The following DLGAP1 variants were observed in gnomAD, a reference collection of about 807,000 sequenced individuals.
The protein encoded by DLGAP1 is DLG associated protein 1.
DLGAP1 carries 11 observed loss-of-function variants against 90.8 expected under a neutral mutation model. The ratio of observed to expected loss-of-function variants is 0.12; its 90% CI spans 0.08 to 0.20. The LOEUF (loss-of-function observed/expected upper bound fraction) is 0.20, where lower values mean the gene tolerates loss of function less well. Ranked by LOEUF, DLGAP1 falls within the 10% of genes least tolerant of loss-of-function variation. The pLI, the probability that DLGAP1 is intolerant of heterozygous loss-of-function variation, is 1.00. For missense variants in DLGAP1, 1,050 were observed against 1,333.8 expected (o/e 0.79, Z 3.31); for synonymous variants, 558 against 540.7 (o/e 1.03, Z -0.44).
chr18:4,009,493 G>C (rs991706631), intron 2 of DLGAP1, among the ~76,000 whole-genome samples: 2 of 152,130 alleles, frequency 1.3e-5, no homozygotes, highest in Non-Finnish European at 2.9e-5. Flanking sequence ...TGCTGAATGT[G>C]CCTGGTACTC....
chr18:3,607,383 C>G (rs1006600290), intron 7 of DLGAP1: 11 of 152,110 alleles, frequency 7.2e-5, no homozygotes, highest in Admixed American at 5.9e-4. Context: ...GTCTTGAGCT[C>G]CTGGGCTCAA....
chr18:3,734,990 TCTC>T (rs1361084148), intron 6 of DLGAP1, among the ~76,000 whole-genome samples: 8 of 152,160 alleles, frequency 5.3e-5, no homozygotes, highest in Non-Finnish European at 1.2e-4. Context: ...ATCTATATAT[TCTC>T]CTAACATTTA....
At chr18:3,857,507 G>GTAGT (rs1027960494) in intron 4 of DLGAP1, among the ~76,000 whole-genome samples, 6 of 149,492 alleles carry the variant, frequency 4.0e-5, no homozygotes, top group African/African-American at 1.5e-4. Flanking sequence ...GGCATGTGCA[G>GTAGT]TAGTTACTTC....
At chr18:3,821,985 C>T (rs1367299771) in intron 4 of DLGAP1, 32 of 983,288 alleles carry the variant, frequency 3.3e-5, no homozygotes, top group Admixed American at 6.2e-5. Context: ...TTAAATGTCC[C>T]TTTAGCCTTT....
intron 1 of DLGAP1, among the ~76,000 whole-genome samples, chr18:4,224,625 G>A (rs996212579): frequency 6.6e-6 from 1 of 151,782 alleles, no homozygotes; most frequent in African/African-American, 2.4e-5. Context: ...TTGTGGAAAG[G>A]GGAGAGAAGA....
chr18:3,728,317 TATATATATATAC>T lies in DLGAP1; in HGVS notation c.1591+806_1591+817del, dbSNP rs138678513. On this transcript the variant is annotated intron_variant, in intron 7 of 12. Transcript: ENST00000315677. ...CGCAAATGTTATATATATATATATA[TATATATATATAC>T]ATGTTTCATATGCACGCATTGTCAT... Among the ~76,000 whole-genome samples, 295 of 129,558 alleles carry T rather than the reference TATATATATATAC, an allele frequency of 2.3e-3. 1 individual carries two copies. The highest frequency in any genetic ancestry group is 6.2e-3 in the African/African-American group (178 of 28,580). The allele number at this position is 129,558 out of a possible 152,430, so 85.0% of individuals were successfully genotyped here. A position where few individuals can be genotyped will look rare whatever the true frequency, so the allele number is the denominator to read the frequency against.
chr18:4,133,864 T>A (rs989771860), intron 2 of DLGAP1, among the ~76,000 whole-genome samples: 3 of 151,776 alleles, frequency 2.0e-5, no homozygotes, highest in African/African-American at 7.3e-5. Context: ...GTCGAGAGGA[T>A]GTTAGGAAGG....
intron 1 of DLGAP1, among the ~76,000 whole-genome samples, chr18:4,401,458 T>C (rs2082552862): frequency 6.6e-6 from 1 of 152,236 alleles, no homozygotes; most frequent in Non-Finnish European, 1.5e-5. Flanking sequence ...GTATTTTTTT[T>C]CCTTCTGAGT....
chr18:3,584,425 C>T (rs990927872), intron 7 of DLGAP1, among the ~76,000 whole-genome samples: 8 of 152,060 alleles, frequency 5.3e-5, no homozygotes, highest in African/African-American at 1.9e-4. Flanking sequence ...TTTCCTCTGG[C>T]CACTCAGAGG....
intron 7 of DLGAP1, chr18:3,680,341 G>C (rs2060466368): frequency 6.5e-6 from 1 of 152,848 alleles, no homozygotes; most frequent in Non-Finnish European, 1.5e-5. Context: ...CCTGGAGAAG[G>C]AGCAGTGGCA....
chr18:4,336,176 C>A (rs1188728938), intron 1 of DLGAP1, among the ~76,000 whole-genome samples: 1 of 152,186 alleles, frequency 6.6e-6, no homozygotes, highest in African/African-American at 2.4e-5. Flanking sequence ...TGCCCATTGG[C>A]ACAGAAAAAG....
At chr18:3,561,121 A>C (rs1221929767) in intron 9 of DLGAP1, among the ~76,000 whole-genome samples, 9 of 150,524 alleles carry the variant, frequency 6.0e-5, no homozygotes, top group Non-Finnish European at 1.5e-5. Context: ...ATCAATTACG[A>C]ATGAGAAAAA....
intron 7 of DLGAP1, among the ~76,000 whole-genome samples, chr18:3,593,192 A>T (rs1056756195): frequency 1.3e-5 from 2 of 151,954 alleles, no homozygotes; most frequent in Non-Finnish European, 2.9e-5. Flanking sequence ...TCCACGAGGG[A>T]CTCCTTCGTG....
chr18:3,663,009 C>T (rs776773835), intron 7 of DLGAP1, among the ~76,000 whole-genome samples: 14 of 152,070 alleles, frequency 9.2e-5, no homozygotes, highest in Admixed American at 1.3e-4. Flanking sequence ...CCGTGGCTCA[C>T]GCCTGTAATC....
intron 7 of DLGAP1, among the ~76,000 whole-genome samples, chr18:3,636,112 C>G (rs1277066360): frequency 1.3e-5 from 2 of 151,114 alleles, no homozygotes; most frequent in Non-Finnish European, 2.9e-5. Context: ...GGTCCTGTTT[C>G]CCTGACTTGA....
chr18:3,644,401 T>TTTTA (rs376019924), intron 7 of DLGAP1, among the ~76,000 whole-genome samples: 3,332 of 150,756 alleles, frequency 0.022, 94 homozygotes, highest in African/African-American at 0.069. Flanking sequence ...TACTATTTTA[T>TTTTA]TTTATTTATT....
At chr18:3,768,260 T>C (rs1269964855) in intron 5 of DLGAP1, among the ~76,000 whole-genome samples, 1 of 152,112 alleles carries the variant, frequency 6.6e-6, no homozygotes, top group East Asian at 1.9e-4. Context: ...TCGGATCTGG[T>C]GAGCTGAAAA....
At chr18:3,609,563 T>C (rs1171238801) in intron 7 of DLGAP1, among the ~76,000 whole-genome samples, 2 of 152,180 alleles carry the variant, frequency 1.3e-5, no homozygotes, top group Non-Finnish European at 2.9e-5. Context: ...CTTTACACTA[T>C]TAAATCATCT....
chr18:3,809,027 T>G (rs2066699775), intron 5 of DLGAP1, among the ~76,000 whole-genome samples: 1 of 152,204 alleles, frequency 6.6e-6, no homozygotes, highest in Non-Finnish European at 1.5e-5. Context: ...GTTCTTACAA[T>G]TATACACGTC....
Sources: gnomAD v4.1 joint callset for allele counts (sites outside exome capture counted in the v4.1 genomes callset) on GRCh38, gnomAD v4.1.1 for gene constraint, MANE v1.5 for transcripts, NCBI Gene and HGNC (gene_info 2026-07-23, HGNC 2026-07-21) for gene names.